SLC12A5: variants seen among roughly 807,000 people sequenced by gnomAD.
SLC12A5 encodes the protein solute carrier family 12 member 5.
A neutral mutation model predicts 124.0 loss-of-function variants in SLC12A5; 18 were observed. That is an observed-to-expected ratio of 0.15 (90% CI 0.10 to 0.22). The LOEUF (loss-of-function observed/expected upper bound fraction) is 0.22. Ranked by LOEUF, SLC12A5 falls within the 10% of genes least tolerant of loss-of-function variation. The pLI, the probability that SLC12A5 is intolerant of heterozygous loss-of-function variation, is 1.00. For missense variants in SLC12A5, 867 were observed against 1,478.7 expected, an observed-to-expected ratio of 0.59 and a Z score of 6.78; for synonymous variants, 589 against 568.0, an observed-to-expected ratio of 1.04 and a Z score of -0.53.
chr20:46,050,027 G>C (rs1300713811), intron 17 of SLC12A5, among the ~76,000 whole-genome samples: 2 of 152,210 alleles, frequency 1.3e-5, no homozygotes, highest in Non-Finnish European at 2.9e-5. Flanking sequence ...AGGAAACTGA[G>C]GCTTAGACAA....
At chr20:46,047,909 G>C (rs571464169) in intron 15 of SLC12A5, 72 bp from the exon 16 acceptor site, 2 of 1,392,704 alleles carry the variant, frequency 1.4e-6, no homozygotes, top group Admixed American at 4.0e-5. Context: ...GGGGTAGCTG[G>C]TGCAGTGTAG....
chr20:46,051,962 G>T, intron 18 of SLC12A5, 92 bp downstream of exon 18: 1 of 1,146,510 alleles, frequency 8.7e-7, no homozygotes, highest in Non-Finnish European at 1.2e-6. Flanking sequence ...GGCCTGAGGG[G>T]TTTCCCAAGC....
chr20:46,030,369 G>C (rs1006111381), intron 1 of SLC12A5, among the ~76,000 whole-genome samples: 17 of 152,208 alleles, frequency 1.1e-4, no homozygotes, highest in African/African-American at 4.1e-4. Context: ...CGAGGGGCTT[G>C]GGACAAGTCC....
chr20:46,022,801 C>T (rs1253723131), intron 1 of SLC12A5: 1 of 398,898 alleles, frequency 2.5e-6, no homozygotes, highest in African/African-American at 2.1e-5. Flanking sequence ...AAAGATCCTT[C>T]TGGCCTTCGG....
intron 3 of SLC12A5, 121 bp downstream of exon 3, chr20:46,035,656 G>C: frequency 1.3e-6 from 2 of 1,510,052 alleles, no homozygotes; most frequent in Non-Finnish European, 1.8e-6. Flanking sequence ...GAAAGAAGAG[G>C]GATGAAGGGT....
At chr20:46,025,068 T>G (rs2084385864), upstream of SLC12A5, among the ~76,000 whole-genome samples, 1 of 152,130 alleles carries the variant, frequency 6.6e-6, no homozygotes. Flanking sequence ...TGGTGTGACC[T>G]TGGGCACACT....
chr20:46,030,706 A>G (rs1201704814), intron 1 of SLC12A5, among the ~76,000 whole-genome samples: 4 of 152,074 alleles, frequency 2.6e-5, no homozygotes, highest in African/African-American at 9.7e-5. Context: ...GGGATTGGCA[A>G]CCTTGACTCT....
In SLC12A5 at chr20:46,048,074, C is replaced by T. The variant is rs201124120; in HGVS notation, c.2001C>T (p.Thr667=). The change falls in exon 16 of 26, where the codon ACC becomes ACT. Residue 667 remains threonine (T), a synonymous_variant. Transcript: ENST00000243964. ...LLRLEEGPPH[T]KNWRPQLLVL... Reference sequence around the variant, plus strand: ...GCCTGGAGGAAGGGCCCCCACACACCAAGAACTGGAGGTTAGTGGTGAGGG... The same window carrying T: ...GCCTGGAGGAAGGGCCCCCACACACTAAGAACTGGAGGTTAGTGGTGAGGG... The T allele has an allele frequency of 3.1e-6, 5 of 1,611,768 alleles. No homozygotes were observed. The Admixed American group carries it at 8.4e-5, about 27-fold the overall frequency.
chr20:46,048,131 G>T (rs768117854), intron 16 of SLC12A5, 46 bp downstream of exon 16: 19 of 1,525,614 alleles, frequency 1.2e-5, no homozygotes, highest in Non-Finnish European at 1.7e-5. Flanking sequence ...GTGTGCATGA[G>T]TGCAAGGCTC....
At position 46,046,379 on chromosome 20, in the gene SLC12A5, C is replaced by A. The variant is rs2084595539; in HGVS notation, c.1730C>A (p.Ala577Glu). 6.2e-7 allele frequency: 1 copy of A among 1,614,062 alleles called. No homozygotes were observed. Among genetic ancestry groups the A allele is most frequent in the Non-Finnish European group, 8.5e-7 (1 of 1,180,034 alleles). The change falls in exon 14 of 26, where the codon GCA becomes GAA. Residue 577 changes from alanine (A) to glutamate (E), a missense_variant. Ala to Glu is a moderately radical substitution (Grantham distance 107). Around this residue, in one of 9 missense-constraint regions of SLC12A5, gnomAD observed 152 missense variants for 358.7 expected, o/e 0.42. Coordinates refer to ENST00000243964, the MANE Select transcript of SLC12A5 (RefSeq NM_020708.5). ...TACATGTTTGTGAATCTGGCCTGTG[C>A]AGTGCAGACGCTGCTGAGGACACCC... ...MCYMFVNLACAVQTLLRTPNW... is the reference protein window; with the variant it reads ...MCYMFVNLACEVQTLLRTPNW...
chr20:46,037,004 C>T (rs1238266337), intron 5 of SLC12A5, among the ~76,000 whole-genome samples: 3 of 151,868 alleles, frequency 2.0e-5, no homozygotes, highest in Admixed American at 2.0e-4. Context: ...TCCTGAGACC[C>T]TCCTCTCCAC....
Position 46,059,820 on chromosome 20 carries a change from T to C in SLC12A5, c.*2215T>C, listed in dbSNP as rs982116068. 7.3e-5 allele frequency: 29 copies of C among 395,208 alleles called. No homozygotes were observed. The highest frequency in any genetic ancestry group is 4.5e-4 in the African/African-American group (22 of 48,604). The allele number at this position is 395,208 out of a possible 1,614,324, so 24.5% of individuals were successfully genotyped here. A position where few individuals can be genotyped will look rare whatever the true frequency, so the allele number is the denominator to read the frequency against. On this transcript the variant is annotated 3_prime_UTR_variant, in exon 26 of 26. Transcript: ENST00000243964. ...ATAGCCTTGTAGTGATAACTAGTGT[T>C]GCTTTTGTTTTAGATGATCTATGTG...
intron 6 of SLC12A5, among the ~76,000 whole-genome samples, chr20:46,038,574 C>A (rs1265521655): frequency 1.3e-5 from 2 of 152,196 alleles, no homozygotes; most frequent in Non-Finnish European, 2.9e-5. Context: ...GTCTTTCTGA[C>A]TTCCAGAGCC....
intron 14 of SLC12A5, 53 bp from the exon 15 acceptor site, chr20:46,047,401 T>A: frequency 6.3e-7 from 1 of 1,596,232 alleles, no homozygotes; most frequent in Middle Eastern, 1.7e-4. Context: ...AAGTCCCAGC[T>A]TCAGCAACAG....
At chr20:46,044,773 A>T in intron 11 of SLC12A5, 193 bp from the exon 12 acceptor site, 1 of 643,212 alleles carries the variant, frequency 1.6e-6, no homozygotes. Context: ...CCTGGTTTTC[A>T]GTATCAGGAA....
intron 8 of SLC12A5, 70 bp downstream of exon 8, chr20:46,041,610 A>AG (rs1465768893): frequency 1.4e-5 from 21 of 1,521,984 alleles, no homozygotes; most frequent in African/African-American, 6.8e-5. Context: ...GTCAGGATTA[A>AG]GGGGCCCTCC....
At chr20:46,029,154 G>C (rs1211498546), upstream of SLC12A5, 3 of 1,404,132 alleles carry the variant, frequency 2.1e-6, no homozygotes, top group Non-Finnish European at 2.8e-6. Flanking sequence ...TGCTGAGAGG[G>C]GGCGCGCGCG....
intron 1 of SLC12A5, chr20:46,022,645 G>C (rs2084364920): frequency 2.5e-6 from 1 of 395,514 alleles, no homozygotes; most frequent in East Asian, 3.6e-5. Flanking sequence ...CCGACTCTTG[G>C]GGACCCACTT....
chr20:46,045,226 C>A lies in SLC12A5; in HGVS notation c.1569+86C>A. On this transcript the variant is annotated intron_variant, in intron 12 of 25. Transcript: ENST00000243964. The surrounding 1 kb of genome is among the most constrained non-coding windows in gnomAD (Gnocchi z 4.9). Reference sequence around the variant, plus strand: ...ACCACACAGTGACCCAGGGCCATAACCAGCCTTAGACTACCTCCTGGGCCA... The same window carrying A: ...ACCACACAGTGACCCAGGGCCATAAACAGCCTTAGACTACCTCCTGGGCCA... 1 of 1,451,704 alleles carries A rather than the reference C, an allele frequency of 6.9e-7. No homozygotes were observed. Among genetic ancestry groups the A allele is most frequent in the Non-Finnish European group, 9.1e-7 (1 of 1,093,776 alleles). 89.9% of individuals were successfully genotyped at this position (1,451,704 alleles called of 1,614,324 possible).
Sources: gnomAD v4.1 joint callset for allele counts (sites outside exome capture counted in the v4.1 genomes callset) on GRCh38, gnomAD v4.1.1 for gene constraint, gnomAD v4.1.1 regional missense constraint, Gnocchi (gnomAD v3.1) non-coding constraint, MANE v1.5 for transcripts, NCBI Gene and HGNC (gene_info 2026-07-23, HGNC 2026-07-21) for gene names.